SLF1: variants seen among roughly 807,000 people sequenced by gnomAD.
SLF1 encodes SMC5-SMC6 complex localization factor protein 1.
A neutral mutation model predicts 123.0 loss-of-function variants in SLF1; 105 were observed. The ratio of observed to expected loss-of-function variants is 0.85; its 90% CI spans 0.73 to 1.00. The LOEUF (loss-of-function observed/expected upper bound fraction) is 1.00, where lower values mean the gene tolerates loss of function less well. Among genes scored for constraint, SLF1 ranks in the 50% least tolerant of loss-of-function variants. SLF1 has a pLI of 0.00. For synonymous variants in SLF1, 434 were observed against 406.6 expected, an observed-to-expected ratio of 1.07 and a Z score of -0.81; for missense variants, 1,239 against 1,223.0, an observed-to-expected ratio of 1.01 and a Z score of -0.20.
intron 8 of SLF1, among the ~76,000 whole-genome samples, 155 bp from the exon 9 acceptor site, chr5:94,654,474 TC>T (rs1461838550): frequency 6.6e-6 from 1 of 152,204 alleles, no homozygotes; most frequent in African/African-American, 2.4e-5. Context: ...TTGAGCTTTT[TC>T]TTTCATTGTG....
rs1461153573 is a variant in SLF1 at position 94,618,719 on chromosome 5, C to G, written c.-47C>G. 1.3e-5 allele frequency: 2 copies of G among 154,870 alleles called. No homozygotes were observed. The highest frequency in any genetic ancestry group is 2.9e-5 in the Non-Finnish European group (2 of 68,318). 9.6% of individuals were successfully genotyped at this position (154,870 alleles called of 1,614,324 possible). ...TTGAGTGCTGCAGCGGCAGTCGTCG[C>G]CCCTGCCGCCGCTGCCACCGAAGGA... On this transcript the variant is annotated 5_prime_UTR_variant, in exon 1 of 21. Transcript: ENST00000265140.
chr5:94,670,738 T>A, intron 13 of SLF1, 105 bp from the exon 14 acceptor site: 1 of 766,480 alleles, frequency 1.3e-6, no homozygotes. Context: ...TATTTTATGA[T>A]CTATGTTCAA....
chr5:94,621,344 C>G (rs1791768529), intron 1 of SLF1, among the ~76,000 whole-genome samples: 1 of 152,160 alleles, frequency 6.6e-6, no homozygotes, highest in African/African-American at 2.4e-5. Context: ...CTTAATCACT[C>G]CGATTTCCCA....
At chr5:94,619,215 G>C (rs1287666444) in intron 1 of SLF1, among the ~76,000 whole-genome samples, 2 of 152,172 alleles carry the variant, frequency 1.3e-5, no homozygotes, top group Non-Finnish European at 2.9e-5. Context: ...CGTCTGCGAA[G>C]GTGGCTGGGA....
rs1753428855 is a variant in SLF1 at position 94,695,017 on chromosome 5, G to A, written c.2882G>A (p.Arg961Lys). The A allele has an allele frequency of 6.2e-7, 1 of 1,612,268 alleles. No individual in the cohort carries two copies. ...QLEFGSFLLSRMLLNFCSIFD... is the reference protein window; with the variant it reads ...QLEFGSFLLSKMLLNFCSIFD... ...GAATTTGGCTCCTTTTTACTTAGTA[G>A]GATGTTGCTAAATTTTTGTTCAATT... Residue 961 changes from arginine to lysine, a missense_variant, in exon 21 of 21, where the codon AGG becomes AAG. Transcript: ENST00000265140.
intron 9 of SLF1, among the ~76,000 whole-genome samples, chr5:94,655,564 C>G (rs1026031612): frequency 6.6e-5 from 10 of 152,082 alleles, no homozygotes; most frequent in Admixed American, 6.5e-4. Flanking sequence ...TAACCATATT[C>G]TTCAAACTCA....
intron 10 of SLF1, among the ~76,000 whole-genome samples, chr5:94,662,598 C>T (rs1749259980): frequency 6.6e-6 from 1 of 152,136 alleles, no homozygotes; most frequent in Non-Finnish European, 1.5e-5. Flanking sequence ...GTGCTTATGA[C>T]AGGTGAAATA....
chr5:94,624,810 T>G (rs1007119092), intron 1 of SLF1, among the ~76,000 whole-genome samples: 22 of 152,034 alleles, frequency 1.4e-4, no homozygotes, highest in African/African-American at 5.1e-4. Flanking sequence ...GCAATATTCC[T>G]GAAATAGCCA....
intron 15 of SLF1, 28 bp from the exon 16 acceptor site, chr5:94,686,545 C>T: frequency 6.2e-7 from 1 of 1,609,312 alleles, no homozygotes; most frequent in Non-Finnish European, 8.5e-7. Flanking sequence ...ACAGCAATAA[C>T]TATATTAACT....
In SLF1 at chr5:94,632,001, A is replaced by T. The variant is rs562221688; in HGVS notation, c.431+1258A>T. Among the ~76,000 whole-genome samples, 114 of 142,054 alleles carry T rather than the reference A, an allele frequency of 8.0e-4. 3 individuals are homozygous for T. In the Middle Eastern group the frequency reaches 0.019, roughly 23 times the overall value. 93.2% of individuals were successfully genotyped at this position (142,054 alleles called of 152,430 possible). ...TTTTTTTTTTTTTCCAAATTAAATT[A>T]GCCAGGCTTGGTGATGCATGTCCTA... On this transcript the variant is annotated intron_variant, in intron 4 of 20. Transcript: ENST00000265140.
At chr5:94,647,614 T>C (rs1585142388) in intron 5 of SLF1, among the ~76,000 whole-genome samples, 1 of 152,212 alleles carries the variant, frequency 6.6e-6, no homozygotes, top group East Asian at 1.9e-4. Flanking sequence ...CTTTCCTAGA[T>C]TATAAAAGGA....
chr5:94,621,556 C>T (rs1008552525), intron 1 of SLF1, among the ~76,000 whole-genome samples: 8 of 152,264 alleles, frequency 5.3e-5, no homozygotes, highest in East Asian at 1.9e-4. Flanking sequence ...TATGGCTAAC[C>T]GATATCTACT....
chr5:94,669,935 A>T (rs1750247730), intron 12 of SLF1, among the ~76,000 whole-genome samples: 1 of 151,880 alleles, frequency 6.6e-6, no homozygotes, highest in Admixed American at 6.5e-5. Flanking sequence ...AAAATTGAGA[A>T]ATTAGATCTA....
chr5:94,662,266 G>A (rs1329083519), intron 9 of SLF1, 32 bp from the exon 10 acceptor site: 50 of 1,513,308 alleles, frequency 3.3e-5, no homozygotes, highest in Non-Finnish European at 3.1e-5. Context: ...ATCTTAAAAT[G>A]TTGTTTTAAT....
At chr5:94,649,336 C>T (rs1747416121) in intron 5 of SLF1, 118 bp from the exon 6 acceptor site, 2 of 764,846 alleles carry the variant, frequency 2.6e-6, no homozygotes, top group Non-Finnish European at 1.9e-6. Flanking sequence ...TAAGAGGGTG[C>T]ATTTTACCTA....
chr5:94,663,906 C>A lies in SLF1; in HGVS notation c.1366C>A (p.Gln456Lys). 6.6e-7 allele frequency: 1 copy of A among 1,512,062 alleles called. No individual in the cohort carries two copies. The highest frequency in any genetic ancestry group is 8.8e-7 in the Non-Finnish European group (1 of 1,133,940). 93.7% of individuals were successfully genotyped at this position (1,512,062 alleles called of 1,614,324 possible). Residue 456 changes from glutamine to lysine, a missense_variant and splice_region_variant, in exon 11 of 21, where the codon CAG becomes AAG. Physicochemically the swap from Gln to Lys is moderately conservative, Grantham distance 53. Coordinates refer to ENST00000265140, the MANE Select transcript of SLF1 (RefSeq NM_032290.4). ...VLHALLENVL[Q>K]DNIDTFSGRY... Reference sequence around the variant, plus strand: ...TCATGCCCTTCTAGAGAACGTTCTACAGGTAAGAGCAGCCTTAAGGATTTA... The same window carrying A: ...TCATGCCCTTCTAGAGAACGTTCTAAAGGTAAGAGCAGCCTTAAGGATTTA...
intron 20 of SLF1, among the ~76,000 whole-genome samples, chr5:94,692,538 AT>A (rs1187607259): frequency 2.0e-5 from 3 of 152,082 alleles, no homozygotes; most frequent in African/African-American, 7.2e-5. Flanking sequence ...GGTTTTAAAT[AT>A]TTATCTTTTT....
At chr5:94,634,628 A>G (rs1181950346) in intron 4 of SLF1, among the ~76,000 whole-genome samples, 2 of 152,228 alleles carry the variant, frequency 1.3e-5, no homozygotes, top group Non-Finnish European at 2.9e-5. Context: ...ATAATGCTGC[A>G]GTAAATATGG....
rs556669341 is a variant in SLF1 at position 94,636,488 on chromosome 5, G to A, written c.431+5745G>A. ...CTTCGCTGACTGGAAAATTTCAAAC[G>A]TACTGTCTTTGAACTCACTGATTCT... On this transcript the variant is annotated intron_variant, in intron 4 of 20. Coordinates refer to ENST00000265140, the MANE Select transcript of SLF1 (RefSeq NM_032290.4). Among the ~76,000 whole-genome samples the A allele has an allele frequency of 4.1e-4, 62 of 152,012 alleles. 1 individual carries two copies. In the South Asian group the frequency reaches 8.3e-3, roughly 20 times the overall value.
Sources: allele counts gnomAD v4.1 joint callset (sites outside exome capture counted in the v4.1 genomes callset), GRCh38; gene constraint gnomAD v4.1.1; transcripts MANE v1.5; gene names NCBI Gene and HGNC (gene_info 2026-07-23, HGNC 2026-07-21).